The following EHD3 variants were observed in gnomAD, a reference collection of about 807,000 sequenced individuals.
EHD3 encodes EH domain-containing protein 3.
A neutral mutation model predicts 43.0 loss-of-function variants in EHD3; 17 were observed. The ratio of observed to expected loss-of-function variants is 0.40; its 90% CI spans 0.27 to 0.59. The LOEUF is 0.59. EHD3 is among the 20% of genes least tolerant of loss of function. EHD3 has a pLI of 0.49. For synonymous variants in EHD3, 313 were observed against 289.5 expected (o/e 1.08, Z -0.82); for missense variants, 594 against 705.6 (o/e 0.84, Z 1.79).
At chr2:31,240,449 T>C (rs890055284) in intron 1 of EHD3, among the ~76,000 whole-genome samples, 4 of 152,242 alleles carry the variant, frequency 2.6e-5, no homozygotes, top group Non-Finnish European at 4.4e-5. Flanking sequence ...CACCTGCTGC[T>C]GTAAGCCATA....
intron 2 of EHD3, among the ~76,000 whole-genome samples, chr2:31,246,218 C>A (rs1293956164): frequency 6.6e-6 from 1 of 151,778 alleles, no homozygotes; most frequent in East Asian, 1.9e-4. Context: ...ATACCTGGAA[C>A]TGAGTAAGGA....
intron 3 of EHD3, among the ~76,000 whole-genome samples, chr2:31,254,206 C>G (rs1394381341): frequency 6.6e-6 from 1 of 152,150 alleles, no homozygotes; most frequent in Non-Finnish European, 1.5e-5. Flanking sequence ...TCACCTGCCC[C>G]GGAAGAGCAC....
At chr2:31,245,735 G>GGTTT (rs1553402744) in intron 2 of EHD3, among the ~76,000 whole-genome samples, 8 of 68,316 alleles carry the variant, frequency 1.2e-4, no homozygotes, top group African/African-American at 4.7e-4. Flanking sequence ...CTAATTTTGT[G>GGTTT]TTTTTTTTTT....
chr2:31,260,652 A>G lies in EHD3; in HGVS notation c.645A>G (p.Arg215=), dbSNP rs112609329. 1.0e-3 allele frequency: 1,684 copies of G among 1,614,176 alleles called. 19 individuals carry two copies. In the African/African-American group the frequency reaches 0.018, roughly 17 times the overall value. Residue 215 remains arginine (R), a synonymous_variant, in exon 4 of 6, where the codon CGA becomes CGG. Coordinates refer to ENST00000322054, the MANE Select transcript of EHD3 (RefSeq NM_014600.3). This position sits in a 1 kb window ranked among gnomAD's most constrained non-coding sequence, Gnocchi z 4.6. Reference sequence around the variant, plus strand: ...TCAAGAACCACGAGGACAAGATGCGAGTGGTGCTGAACAAAGCTGACCAGA... The same window carrying G: ...TCAAGAACCACGAGGACAAGATGCGGGTGGTGCTGAACAAAGCTGACCAGA... ...KALKNHEDKM[R]VVLNKADQIE...
chr2:31,244,831 T>C (rs568823661), intron 2 of EHD3, among the ~76,000 whole-genome samples: 1 of 152,330 alleles, frequency 6.6e-6, no homozygotes, highest in African/African-American at 2.4e-5. Flanking sequence ...GGTTCTTTTC[T>C]ATTCACGGAT....
rs1418621028 is a variant in EHD3 at position 31,243,456 on chromosome 2, C to CT, written c.228-815dup. On this transcript the variant is annotated intron_variant, in intron 1 of 5. Transcript: ENST00000322054. Reference sequence around the variant, plus strand: ...TCTTTCTTTCTTTCTTTCTTTCTTTCTTTCTTTTTTTTTTTTTGAGACAGA... The same window carrying CT: ...TCTTTCTTTCTTTCTTTCTTTCTTTCTTTTCTTTTTTTTTTTTTGAGACAGA... Among the ~76,000 whole-genome samples the CT allele has an allele frequency of 8.4e-4, 78 of 93,316 alleles. 1 individual carries two copies. Among genetic ancestry groups the CT allele is most frequent in the African/African-American group, 3.7e-3 (73 of 19,700 alleles). 61.2% of individuals were successfully genotyped at this position (93,316 alleles called of 152,430 possible).
intron 1 of EHD3, among the ~76,000 whole-genome samples, chr2:31,236,991 C>T (rs1041481610): frequency 1.3e-5 from 2 of 152,134 alleles, no homozygotes; most frequent in East Asian, 1.9e-4. Context: ...AGAGGCAGAT[C>T]GCTCTTCTTT....
Position 31,248,449 on chromosome 2 carries a change from T to G in EHD3, c.405-922T>G, listed in dbSNP as rs534556707. ...CCCATTGCACTGTGTATTCTGCTTGTCCATGTACAGGCCTCCTGGCCTCCT... is the reference window on the plus strand; with the variant it reads ...CCCATTGCACTGTGTATTCTGCTTGGCCATGTACAGGCCTCCTGGCCTCCT... On this transcript the variant is annotated intron_variant, in intron 2 of 5. Coordinates refer to ENST00000322054, the MANE Select transcript of EHD3 (RefSeq NM_014600.3). Among the ~76,000 whole-genome samples the G allele has an allele frequency of 7.9e-5, 12 of 152,234 alleles. No individual in the cohort carries two copies. The East Asian group carries it at 2.3e-3, about 29-fold the overall frequency.
In EHD3 at chr2:31,244,176, C is replaced by G; in HGVS notation, c.228-98C>G. 2.5e-6 allele frequency: 3 copies of G among 1,223,786 alleles called. No individual in the cohort carries two copies. The South Asian group carries it at 6.4e-5, about 26-fold the overall frequency. 75.8% of individuals were successfully genotyped at this position (1,223,786 alleles called of 1,614,324 possible). ...TGAGATCTTGCTGCGGTGGCCCTGC[C>G]CTCCCCTCTGACTCGCATGTTGTCT... On this transcript the variant is annotated intron_variant, in intron 1 of 5. Transcript: ENST00000322054.
At chr2:31,236,910 T>C (rs1478173314) in intron 1 of EHD3, among the ~76,000 whole-genome samples, 1 of 152,220 alleles carries the variant, frequency 6.6e-6, no homozygotes. Flanking sequence ...GGCTGTTAAC[T>C]GGGTCTAAGA....
chr2:31,251,060 C>T (rs1220270452), intron 3 of EHD3, among the ~76,000 whole-genome samples: 1 of 152,230 alleles, frequency 6.6e-6, no homozygotes, highest in African/African-American at 2.4e-5. Flanking sequence ...GGAGAGGTCA[C>T]AGCCTCATGG....
Position 31,260,592 on chromosome 2 carries a change from C to T in EHD3, c.585C>T (p.Asp195=), listed in dbSNP as rs1160890887. Residue 195 remains aspartate (D), a synonymous_variant, in exon 4 of 6, where the codon GAC becomes GAT. Coordinates refer to ENST00000322054, the MANE Select transcript of EHD3 (RefSeq NM_014600.3). The surrounding 1 kb of genome is among the most constrained non-coding windows in gnomAD (Gnocchi z 4.6). ...TGCTCTTCGATGCCCACAAACTGGACATCTCTGATGAGTTCTCAGAAGTCA... is the reference window on the plus strand; with the variant it reads ...TGCTCTTCGATGCCCACAAACTGGATATCTCTGATGAGTTCTCAGAAGTCA... ...IILLFDAHKL[D]ISDEFSEVIK... The T allele has an allele frequency of 3.1e-6, 5 of 1,614,208 alleles. No individual in the cohort carries two copies. In the Admixed American group the frequency reaches 5.0e-5, roughly 16 times the overall value.
At chr2:31,235,976 T>C (rs139622838) in intron 1 of EHD3, among the ~76,000 whole-genome samples, 1 of 152,334 alleles carries the variant, frequency 6.6e-6, no homozygotes, top group Non-Finnish European at 1.5e-5. Context: ...TCAAGTGTGC[T>C]CATCTCCTGC....
At chr2:31,262,900 G>C (rs1572473845) in intron 5 of EHD3, among the ~76,000 whole-genome samples, 1 of 18,482 alleles carries the variant, frequency 5.4e-5, no homozygotes, top group African/African-American at 1.4e-4. Flanking sequence ...GGGCAACAGA[G>C]AAAGACTCCA....
At chr2:31,254,024 G>A (rs560072284) in intron 3 of EHD3, among the ~76,000 whole-genome samples, 2 of 152,260 alleles carry the variant, frequency 1.3e-5, no homozygotes, top group African/African-American at 2.4e-5. Context: ...AAAGCAGGGC[G>A]GGGCTTTGTG....
intron 5 of EHD3, among the ~76,000 whole-genome samples, chr2:31,263,070 G>C (rs1001087289): frequency 2.6e-5 from 4 of 152,000 alleles, no homozygotes; most frequent in African/African-American, 9.7e-5. Flanking sequence ...TCCTCAATAG[G>C]CATTTTTAGT....
intron 1 of EHD3, among the ~76,000 whole-genome samples, chr2:31,239,274 C>T (rs1243741038): frequency 6.6e-6 from 1 of 152,180 alleles, no homozygotes. Context: ...CAGGCATAGC[C>T]CCTGCACCAC....
Position 31,234,759 on chromosome 2 carries a change from C to G in EHD3, c.138C>G (p.His46Gln). 1.2e-6 allele frequency: 2 copies of G among 1,614,218 alleles called. No individual in the cohort carries two copies. Among genetic ancestry groups the G allele is most frequent in the Non-Finnish European group, 1.7e-6 (2 of 1,180,036 alleles). The change falls in exon 1 of 6, where the codon CAC becomes CAG. Residue 46 changes from histidine to glutamine, a missense_variant. Physicochemically the swap from His to Gln is conservative, Grantham distance 24. Transcript: ENST00000322054. ...AGCATTACCGCTTCCACGAGTTCCA[C>G]TCGCCCGCCCTGGAGGATGCCGACT... is the stretch of plus-strand genomic sequence containing the variant. ...LEEHYRFHEFHSPALEDADFD... is the reference protein window; with the variant it reads ...LEEHYRFHEFQSPALEDADFD...
intron 2 of EHD3, among the ~76,000 whole-genome samples, chr2:31,247,681 G>T (rs185259573): frequency 6.6e-6 from 1 of 152,314 alleles, no homozygotes; most frequent in Non-Finnish European, 1.5e-5. Context: ...ATTCTGTGGG[G>T]GAATATAAGG....
Sources: gnomAD v4.1 joint callset for allele counts (sites outside exome capture counted in the v4.1 genomes callset) on GRCh38, gnomAD v4.1.1 for gene constraint, Gnocchi (gnomAD v3.1) non-coding constraint, MANE v1.5 for transcripts, NCBI Gene and HGNC (gene_info 2026-07-23, HGNC 2026-07-21) for gene names.